LANCL2: variants seen among roughly 807,000 people sequenced by gnomAD.
LANCL2 encodes LanC like glutathione S-transferase 2.
Under a neutral mutation model 56.9 loss-of-function variants are expected in LANCL2, and 33 were observed. The ratio of observed to expected loss-of-function variants is 0.58; its 90% CI spans 0.44 to 0.78. The LOEUF is 0.78. LANCL2 is among the 30% of genes least tolerant of loss of function. The probability of loss-of-function intolerance (pLI) is 0.00; values close to 1 mark genes in which losing one functional copy is unlikely to be tolerated. For missense variants in LANCL2, 562 were observed against 580.2 expected (o/e 0.97, Z 0.32); for synonymous variants, 233 against 228.2 (o/e 1.02, Z -0.19).
chr7:55,420,699 C>T (rs1213593992), intron 6 of LANCL2, among the ~76,000 whole-genome samples: 1 of 152,256 alleles, frequency 6.6e-6, no homozygotes, highest in African/African-American at 2.4e-5. Flanking sequence ...AAAGCAGCCA[C>T]AGCCAGTGTG....
At chr7:55,420,136 A>G (rs866035373) in intron 6 of LANCL2, among the ~76,000 whole-genome samples, 44 of 152,356 alleles carry the variant, frequency 2.9e-4, no homozygotes, top group African/African-American at 1.0e-3. Context: ...GCTCTTTTCT[A>G]ACTTTTTAAA....
chr7:55,430,904 C>T (rs868193295), intron 8 of LANCL2, among the ~76,000 whole-genome samples: 25 of 152,322 alleles, frequency 1.6e-4, no homozygotes, highest in Middle Eastern at 6.8e-3. Flanking sequence ...TGAGGGGAAG[C>T]TCCGTGTATA....
chr7:55,421,318 A>G lies in LANCL2; in HGVS notation c.1009-3936A>G, dbSNP rs1307517919. On this transcript the variant is annotated intron_variant, in intron 6 of 8. Coordinates refer to ENST00000254770, the MANE Select transcript of LANCL2 (RefSeq NM_018697.4). ...AGAGATTAGTTGGAAATTTTTTAGG[A>G]TTCTCTTTTTTCTGTTGACTCTTTT... 2.1e-4 allele frequency among the ~76,000 whole-genome samples: 18 copies of G among 87,392 alleles called. 1 individual carries two copies. The highest frequency in any genetic ancestry group is 1.2e-4 in the Non-Finnish European group (5 of 40,838). The allele number at this position is 87,392 out of a possible 152,430, so 57.3% of individuals were successfully genotyped here.
chr7:55,424,212 G>A (rs1038932709), intron 6 of LANCL2, among the ~76,000 whole-genome samples: 1 of 152,206 alleles, frequency 6.6e-6, no homozygotes, highest in Admixed American at 6.5e-5. Context: ...TACATGGCCT[G>A]TGAGGAGAAA....
intron 2 of LANCL2, among the ~76,000 whole-genome samples, chr7:55,397,544 A>G (rs1485459618): frequency 6.6e-6 from 1 of 151,626 alleles, no homozygotes; most frequent in Non-Finnish European, 1.5e-5. Flanking sequence ...ATATTGAAGA[A>G]CCTCAACTTA....
intron 2 of LANCL2, among the ~76,000 whole-genome samples, chr7:55,393,250 G>A (rs900962127): frequency 8.5e-5 from 13 of 152,254 alleles, no homozygotes; most frequent in African/African-American, 3.1e-4. Context: ...AAACAGCATA[G>A]GCCAGGTGCG....
chr7:55,366,416 G>C (rs943478789), intron 1 of LANCL2, among the ~76,000 whole-genome samples, 187 bp downstream of exon 1: 1 of 152,266 alleles, frequency 6.6e-6, no homozygotes, highest in Admixed American at 6.5e-5. Flanking sequence ...TCAGCTGCAT[G>C]AACCACGTTC....
chr7:55,407,211 G>A (rs1278129573), intron 5 of LANCL2, among the ~76,000 whole-genome samples: 4 of 152,316 alleles, frequency 2.6e-5, no homozygotes, highest in Admixed American at 1.3e-4. Flanking sequence ...AGGAAAGCCA[G>A]ATGTAGAAGA....
rs1789856932 is a variant in LANCL2 at position 55,365,981 on chromosome 7, G to A, written c.-45G>A. 1 of 1,352,118 alleles carries A rather than the reference G, an allele frequency of 7.4e-7. No homozygotes were observed. 83.8% of individuals were successfully genotyped at this position (1,352,118 alleles called of 1,614,324 possible). A position where few individuals can be genotyped will look rare whatever the true frequency, so the allele number is the denominator to read the frequency against. On this transcript the variant is annotated 5_prime_UTR_variant, in exon 1 of 9. Transcript: ENST00000254770. ...CGGCGGCGGGGCGAGCTGCAGCGCC[G>A]GGACAGGAGGTTTGTCCCCGCCCGC... is the stretch of plus-strand genomic sequence containing the variant.
At chr7:55,409,459 G>T (rs1481952835) in intron 5 of LANCL2, among the ~76,000 whole-genome samples, 1 of 152,174 alleles carries the variant, frequency 6.6e-6, no homozygotes, top group Admixed American at 6.6e-5. Flanking sequence ...ATTAAATGTG[G>T]AGTAGAGCAA....
intron 5 of LANCL2, among the ~76,000 whole-genome samples, chr7:55,407,598 C>T (rs1235578093): frequency 6.6e-6 from 1 of 152,166 alleles, no homozygotes; most frequent in African/African-American, 2.4e-5. Flanking sequence ...TGAGTGAAGC[C>T]AGCTGCCCCA....
At chr7:55,416,037 A>G (rs1459246669) in intron 6 of LANCL2, among the ~76,000 whole-genome samples, 1 of 152,148 alleles carries the variant, frequency 6.6e-6, no homozygotes, top group African/African-American at 2.4e-5. Context: ...AATATCTAGG[A>G]GTAGAATTAC....
At chr7:55,430,256 G>GA (rs1272375567) in intron 8 of LANCL2, among the ~76,000 whole-genome samples, 1 of 152,240 alleles carries the variant, frequency 6.6e-6, no homozygotes, top group African/African-American at 2.4e-5. Flanking sequence ...CCGTCAGTAG[G>GA]AAAAATGGGT....
In LANCL2 at chr7:55,365,980, CG is replaced by C; in HGVS notation, c.-43del. On this transcript the variant is annotated 5_prime_UTR_variant, in exon 1 of 9. Transcript: ENST00000254770. ...GCGGCGGCGGGGCGAGCTGCAGCGC[CG>C]GGACAGGAGGTTTGTCCCCGCCCGC... The C allele has an allele frequency of 7.4e-7, 1 of 1,345,282 alleles. No homozygotes were observed. The highest frequency in any genetic ancestry group is 1.5e-5 in the African/African-American group (1 of 64,682). 83.3% of individuals were successfully genotyped at this position (1,345,282 alleles called of 1,614,324 possible). A position where few individuals can be genotyped will look rare whatever the true frequency, so the allele number is the denominator to read the frequency against.
In LANCL2 at chr7:55,432,308, T is replaced by G. The variant is rs1452263603; in HGVS notation, c.*988T>G. The G allele has an allele frequency of 6.6e-6, 1 of 152,226 alleles. No homozygotes were observed. The highest frequency in any genetic ancestry group is 1.5e-5 in the Non-Finnish European group (1 of 68,036). 9.4% of individuals were successfully genotyped at this position (152,226 alleles called of 1,614,324 possible). A position where few individuals can be genotyped will look rare whatever the true frequency, so the allele number is the denominator to read the frequency against. ...TTTGGAAAGTTATCAAAATCTAAATTTGGAATGAATGCATTTCCTATTTTT... is the reference window on the plus strand; with the variant it reads ...TTTGGAAAGTTATCAAAATCTAAATGTGGAATGAATGCATTTCCTATTTTT... On this transcript the variant is annotated 3_prime_UTR_variant, in exon 9 of 9. Transcript: ENST00000254770.
rs141093309 is a variant in LANCL2, at chr7:55,372,324, G to A, written c.204+6095G>A. Among the ~76,000 whole-genome samples the A allele has an allele frequency of 5.7e-3, 873 of 152,278 alleles. 5 individuals carry two copies. The highest frequency in any genetic ancestry group is 0.018 in the African/African-American group (765 of 41,552). Reference sequence around the variant, plus strand: ...AGCAGGTAACAGTTTTAATAGTCTTGTGTTTGACTCCTACTTTTCTGCCAT... The same window carrying A: ...AGCAGGTAACAGTTTTAATAGTCTTATGTTTGACTCCTACTTTTCTGCCAT... On this transcript the variant is annotated intron_variant, in intron 1 of 8. Coordinates refer to ENST00000254770, the MANE Select transcript of LANCL2 (RefSeq NM_018697.4).
intron 1 of LANCL2, among the ~76,000 whole-genome samples, chr7:55,380,931 GT>G (rs1388497749): frequency 1.3e-5 from 2 of 149,592 alleles, no homozygotes; most frequent in Non-Finnish European, 3.0e-5. Flanking sequence ...GATTGCAGTG[GT>G]GCCATCTCAG....
chr7:55,378,603 C>T (rs1342336295), intron 1 of LANCL2, among the ~76,000 whole-genome samples: 2 of 152,038 alleles, frequency 1.3e-5, no homozygotes, highest in Non-Finnish European at 1.5e-5. Flanking sequence ...GTTAAAATTT[C>T]TCCTGGTACA....
In LANCL2 at chr7:55,425,395, A is replaced by G; in HGVS notation, c.1150A>G (p.Thr384Ala). 1 of 1,613,952 alleles carries G rather than the reference A, an allele frequency of 6.2e-7. No homozygotes were observed. The highest frequency in any genetic ancestry group is 8.5e-7 in the Non-Finnish European group (1 of 1,179,844). Residue 384 changes from threonine (T) to alanine (A), a missense_variant, in exon 7 of 9, where the codon ACG becomes GCG. Physicochemically the swap from Thr to Ala is moderately conservative, Grantham distance 58. This residue lies in a region of LANCL2 where 378 missense variants were observed against 468.4 expected (regional missense o/e 0.81). Transcript: ENST00000254770. ...GYSFLSLYRL[T>A]QDKKYLYRAC... ...TTCCTTCCTGTCCCTTTACCGTCTC[A>G]CGCAGGATAAGAAGTACCTCTACCG... is the stretch of plus-strand genomic sequence containing the variant.
Sources: gnomAD v4.1 joint callset for allele counts (sites outside exome capture counted in the v4.1 genomes callset) on GRCh38, gnomAD v4.1.1 for gene constraint, gnomAD v4.1.1 regional missense constraint, MANE v1.5 for transcripts, NCBI Gene and HGNC (gene_info 2026-07-23, HGNC 2026-07-21) for gene names.